The following GNB4 variants were observed in gnomAD, a reference collection of about 807,000 sequenced individuals.
The protein encoded by GNB4 is guanine nucleotide-binding protein subunit beta-4.
Under a neutral mutation model 45.2 loss-of-function variants are expected in GNB4, and 28 were observed. The observed-to-expected ratio is 0.62, with a 90% CI of 0.46 to 0.85. The LOEUF (loss-of-function observed/expected upper bound fraction) is 0.85. GNB4 is among the 40% of genes least tolerant of loss of function. The pLI is 0.00. For synonymous variants in GNB4, 132 were observed against 143.7 expected, an observed-to-expected ratio of 0.92 and a Z score of 0.58; for missense variants, 321 against 425.4, an observed-to-expected ratio of 0.75 and a Z score of 2.16.
chr3:179,480,669 T>C, the GNB4 span, among the ~76,000 whole-genome samples: 296 of 152,108 alleles, frequency 1.9e-3, no homozygotes, highest in Non-Finnish European at 3.5e-3. Flanking sequence ...CATGTCCACA[T>C]TGATAAGATA....
upstream of GNB4, among the ~76,000 whole-genome samples, chr3:179,451,745 C>G (rs1022936831): frequency 6.6e-6 from 1 of 152,104 alleles, no homozygotes; most frequent in Non-Finnish European, 1.5e-5. Flanking sequence ...GTTGGTGTGG[C>G]GCCGGGGCAC....
intron 1 of GNB4, among the ~76,000 whole-genome samples, chr3:179,443,566 CA>C (rs1423322380): frequency 1.3e-5 from 2 of 152,056 alleles, no homozygotes; most frequent in Non-Finnish European, 2.9e-5. Flanking sequence ...TTAAAGTTAC[CA>C]ATAAGTAGAA....
chr3:179,401,358 G>A, intron 9 of GNB4, 39 bp from the exon 10 acceptor site: 1 of 1,393,186 alleles, frequency 7.2e-7, no homozygotes, highest in Non-Finnish European at 1.0e-6. Context: ...CAATTGTAGG[G>A]TTTTAGAATT....
chr3:179,402,962 G>C (rs1714347358), intron 9 of GNB4, among the ~76,000 whole-genome samples: 1 of 152,214 alleles, frequency 6.6e-6, no homozygotes, highest in Non-Finnish European at 1.5e-5. Flanking sequence ...AACAGGCACA[G>C]ATGCGATTGA....
chr3:179,478,049 G>A, the GNB4 span, among the ~76,000 whole-genome samples: 5 of 152,100 alleles, frequency 3.3e-5, no homozygotes, highest in African/African-American at 9.7e-5. Context: ...CAAGATCAAG[G>A]GGCTCACATC....
the GNB4 span, among the ~76,000 whole-genome samples, chr3:179,463,678 A>C: frequency 6.6e-6 from 1 of 152,222 alleles, no homozygotes; most frequent in African/African-American, 2.4e-5. Flanking sequence ...ATAGTATGCT[A>C]TTATAAACTA....
chr3:179,483,266 T>C, the GNB4 span, among the ~76,000 whole-genome samples: 1 of 151,868 alleles, frequency 6.6e-6, no homozygotes, highest in African/African-American at 2.4e-5. Flanking sequence ...AGTAAAAGAG[T>C]AAAATAGAAA....
chr3:179,450,617 CA>C (rs1429981143), intron 1 of GNB4, among the ~76,000 whole-genome samples: 1 of 152,244 alleles, frequency 6.6e-6, no homozygotes, highest in South Asian at 2.1e-4. Context: ...CGAAAAATAA[CA>C]AAGTATTGCT....
chr3:179,469,364 T>C, the GNB4 span, among the ~76,000 whole-genome samples: 91,144 of 151,990 alleles, frequency 0.6, 27,780 homozygotes, highest in East Asian at 0.94. Context: ...TATACCACAA[T>C]AAAGCTGAAA....
the GNB4 span, among the ~76,000 whole-genome samples, chr3:179,457,458 A>G: frequency 5.9e-5 from 9 of 152,278 alleles, 2 homozygotes; most frequent in South Asian, 2.1e-4. Flanking sequence ...TTATAATTGG[A>G]TGACTATTTT....
chr3:179,448,044 G>A lies in GNB4; in HGVS notation c.-43+3302C>T, dbSNP rs62408903. ...CAGTTTGGCAAGACTGACATCCCTG[G>A]TGACCTGGAGAAGAATTGTTTCATG... On this transcript the variant is annotated intron_variant, in intron 1 of 9. Coordinates refer to ENST00000232564, the MANE Select transcript of GNB4 (RefSeq NM_021629.4). Among the ~76,000 whole-genome samples the A allele has an allele frequency of 2.7e-3, 414 of 152,320 alleles. 2 individuals are homozygous for A. The highest frequency in any genetic ancestry group is 4.3e-3 in the Non-Finnish European group (294 of 68,034).
At chr3:179,420,485 G>A (rs990006826) in intron 3 of GNB4, among the ~76,000 whole-genome samples, 12 of 148,466 alleles carry the variant, frequency 8.1e-5, no homozygotes, top group Middle Eastern at 3.5e-3. Flanking sequence ...TTTTTGAGAC[G>A]GCGTCTCACT....
chr3:179,497,309 G>A, the GNB4 span, among the ~76,000 whole-genome samples: 1 of 152,024 alleles, frequency 6.6e-6, no homozygotes, highest in East Asian at 1.9e-4. Context: ...TACATGAAAA[G>A]AAGGAAACAG....
chr3:179,467,915 A>T, the GNB4 span, among the ~76,000 whole-genome samples: 1 of 151,636 alleles, frequency 6.6e-6, no homozygotes, highest in Admixed American at 6.6e-5. Flanking sequence ...TGTGAATGGG[A>T]GTTTGACTTT....
intron 8 of GNB4, among the ~76,000 whole-genome samples, chr3:179,410,975 TACG>T (rs1714634068): frequency 6.6e-6 from 1 of 152,156 alleles, no homozygotes. Flanking sequence ...CCATATCTAA[TACG>T]ACATCACATT....
At chr3:179,492,910 A>G in the GNB4 span, among the ~76,000 whole-genome samples, 1 of 152,174 alleles carries the variant, frequency 6.6e-6, no homozygotes, top group African/African-American at 2.4e-5. Flanking sequence ...TACTGTCACC[A>G]CTGCAGATAC....
the GNB4 span, among the ~76,000 whole-genome samples, chr3:179,514,598 G>A: frequency 5.3e-5 from 8 of 152,164 alleles, no homozygotes; most frequent in Non-Finnish European, 1.0e-4. Context: ...GGTTAAATGA[G>A]GTCATAAGAG....
At chr3:179,411,433 T>G (rs1316353139) in intron 8 of GNB4, among the ~76,000 whole-genome samples, 1 of 151,260 alleles carries the variant, frequency 6.6e-6, no homozygotes, top group Non-Finnish European at 1.5e-5. Context: ...CTATATTTAC[T>G]TATATTTGTA....
the GNB4 span, among the ~76,000 whole-genome samples, chr3:179,518,490 G>A: frequency 4.2e-3 from 644 of 151,870 alleles, 3 homozygotes; most frequent in African/African-American, 0.015. Flanking sequence ...CTACAGACCC[G>A]TCTGACCTCT....
Sources: gnomAD v4.1 joint callset for allele counts (sites outside exome capture counted in the v4.1 genomes callset) on GRCh38, gnomAD v4.1.1 for gene constraint, MANE v1.5 for transcripts, NCBI Gene and HGNC (gene_info 2026-07-23, HGNC 2026-07-21) for gene names.